Variants in EXOC4 observed in about 807,000 individuals in gnomAD.
EXOC4 encodes the protein SEC8-like 1.
Under a neutral mutation model 107.2 loss-of-function variants are expected in EXOC4, and 71 were observed. The observed-to-expected ratio is 0.66, with a 90% CI of 0.55 to 0.81. EXOC4 has a LOEUF of 0.81. Ranked by LOEUF, EXOC4 falls within the 30% of genes least tolerant of loss-of-function variation. The pLI, the probability that EXOC4 is intolerant of heterozygous loss-of-function variation, is 0.00. For synonymous variants in EXOC4, 456 were observed against 441.2 expected (o/e 1.03, Z -0.42); for missense variants, 1,108 against 1,189.6 (o/e 0.93, Z 1.01).
intron 15 of EXOC4, among the ~76,000 whole-genome samples, chr7:133,999,334 T>A (rs535684369): frequency 1.3e-5 from 2 of 152,186 alleles, no homozygotes; most frequent in South Asian, 4.1e-4. Context: ...TCCTTGTGTG[T>A]GCTACTTGCT....
intron 10 of EXOC4, among the ~76,000 whole-genome samples, chr7:133,793,798 C>T (rs1319271514): frequency 6.6e-6 from 1 of 152,074 alleles, no homozygotes; most frequent in African/African-American, 2.4e-5. Flanking sequence ...GAGCCAAAAT[C>T]GCGCCTCTGC....
chr7:133,863,282 T>TA (rs1196577487), intron 11 of EXOC4, among the ~76,000 whole-genome samples: 1 of 152,136 alleles, frequency 6.6e-6, no homozygotes, highest in Non-Finnish European at 1.5e-5. Flanking sequence ...AAATGAATTT[T>TA]AAAAATTTGG....
intron 9 of EXOC4, among the ~76,000 whole-genome samples, chr7:133,507,727 A>C (rs1799692148): frequency 6.6e-6 from 1 of 152,164 alleles, no homozygotes; most frequent in Non-Finnish European, 1.5e-5. Flanking sequence ...ACCACTGGCT[A>C]GTTCTGAAGT....
chr7:133,723,303 G>A (rs1167778391), intron 10 of EXOC4, among the ~76,000 whole-genome samples: 5 of 152,172 alleles, frequency 3.3e-5, no homozygotes, highest in Non-Finnish European at 7.4e-5. Flanking sequence ...TAAACCTTGA[G>A]CAATTGCTTT....
chr7:133,752,162 TAAAC>T (rs934115123), intron 10 of EXOC4, among the ~76,000 whole-genome samples: 6 of 152,120 alleles, frequency 3.9e-5, no homozygotes, highest in South Asian at 4.1e-4. Flanking sequence ...CCCTTTCTCT[TAAAC>T]AAACAAACAA....
chr7:133,464,821 T>G (rs1410920662), intron 7 of EXOC4, among the ~76,000 whole-genome samples: 16 of 120,178 alleles, frequency 1.3e-4, no homozygotes, highest in African/African-American at 3.4e-4. Flanking sequence ...GTTTTTTTTT[T>G]TTTTTTTTTT....
At chr7:133,913,954 G>A (rs962551283) in intron 12 of EXOC4, among the ~76,000 whole-genome samples, 14 of 152,138 alleles carry the variant, frequency 9.2e-5, no homozygotes, top group East Asian at 3.9e-4. Flanking sequence ...AACGTGATGC[G>A]GAAAGCAAAA....
At chr7:133,898,080 T>C (rs1359759982) in intron 12 of EXOC4, among the ~76,000 whole-genome samples, 3 of 151,508 alleles carry the variant, frequency 2.0e-5, no homozygotes, top group African/African-American at 7.3e-5. Flanking sequence ...TCAACTCTTT[T>C]AGAGTCCCCA....
chr7:133,302,626 A>G (rs1794665076), intron 3 of EXOC4, among the ~76,000 whole-genome samples: 1 of 152,152 alleles, frequency 6.6e-6, no homozygotes, highest in African/African-American at 2.4e-5. Flanking sequence ...TTACCAATTC[A>G]CTGTACTGTG....
At chr7:134,045,172 C>A (rs976114278) in intron 17 of EXOC4, among the ~76,000 whole-genome samples, 2 of 152,122 alleles carry the variant, frequency 1.3e-5, no homozygotes, top group African/African-American at 4.8e-5. Flanking sequence ...TTAATAGAAT[C>A]ATTAGTGAAT....
At chr7:133,803,188 G>A (rs892931685) in intron 10 of EXOC4, among the ~76,000 whole-genome samples, 5 of 151,994 alleles carry the variant, frequency 3.3e-5, no homozygotes, top group Admixed American at 2.0e-4. Flanking sequence ...AAATTTTTTC[G>A]CAAGTTTTAT....
chr7:134,026,864 T>C (rs1006999122), intron 17 of EXOC4, among the ~76,000 whole-genome samples: 5 of 152,126 alleles, frequency 3.3e-5, no homozygotes, highest in African/African-American at 7.2e-5. Context: ...ATGGTGTTAA[T>C]AAAAGAGAAG....
chr7:133,782,871 A>C (rs1796496619), intron 10 of EXOC4, among the ~76,000 whole-genome samples: 1 of 152,166 alleles, frequency 6.6e-6, no homozygotes, highest in African/African-American at 2.4e-5. Flanking sequence ...TCTGGCTTCA[A>C]CACCACCCAC....
chr7:133,402,747 A>G (rs1452812075), intron 7 of EXOC4, among the ~76,000 whole-genome samples: 1 of 152,104 alleles, frequency 6.6e-6, no homozygotes, highest in Non-Finnish European at 1.5e-5. Flanking sequence ...CAAGCGATCC[A>G]CCTGCCTTGG....
intron 7 of EXOC4, among the ~76,000 whole-genome samples, chr7:133,461,452 A>G (rs1345970533): frequency 6.6e-6 from 1 of 152,210 alleles, no homozygotes; most frequent in African/African-American, 2.4e-5. Context: ...ACTATAGGCA[A>G]ATATTTTTTT....
intron 10 of EXOC4, among the ~76,000 whole-genome samples, chr7:133,704,117 A>G (rs1269430486): frequency 3.3e-5 from 5 of 152,158 alleles, no homozygotes; most frequent in Admixed American, 2.6e-4. Context: ...TTTTAAAAGG[A>G]ATAAATTAAT....
chr7:133,526,815 CA>C (rs1563097254), intron 9 of EXOC4, among the ~76,000 whole-genome samples: 1 of 151,698 alleles, frequency 6.6e-6, no homozygotes, highest in Admixed American at 6.6e-5. Flanking sequence ...ACTAAAAATA[CA>C]AAAAAATTAG....
chr7:133,510,971 G>T (rs1041950912), intron 9 of EXOC4, among the ~76,000 whole-genome samples: 1 of 152,012 alleles, frequency 6.6e-6, no homozygotes, highest in Non-Finnish European at 1.5e-5. Flanking sequence ...ATAAAAGAAG[G>T]AAAAGCCGAA....
intron 6 of EXOC4, among the ~76,000 whole-genome samples, chr7:133,367,842 T>G (rs1024850676): frequency 6.6e-6 from 1 of 152,028 alleles, no homozygotes; most frequent in Non-Finnish European, 1.5e-5. Flanking sequence ...GTGGCTGTTA[T>G]GACCATAGTT....
Sources: gnomAD v4.1 joint callset for allele counts (sites outside exome capture counted in the v4.1 genomes callset) on GRCh38, gnomAD v4.1.1 for gene constraint, MANE v1.5 for transcripts, NCBI Gene and HGNC (gene_info 2026-07-23, HGNC 2026-07-21) for gene names.